Variants in RFX3 observed in about 807,000 individuals in gnomAD.
RFX3 encodes regulatory factor X3, also known as transcription factor RFX3.
A neutral mutation model predicts 98.6 loss-of-function variants in RFX3; 14 were observed. The observed-to-expected ratio is 0.14, with a 90% CI of 0.09 to 0.22. The LOEUF is 0.22. Among genes scored for constraint, RFX3 ranks in the 10% least tolerant of loss-of-function variants. The pLI is 1.00. For synonymous variants in RFX3, 383 were observed against 328.4 expected, an observed-to-expected ratio of 1.17 and a Z score of -1.80; for missense variants, 639 against 926.9, an observed-to-expected ratio of 0.69 and a Z score of 4.03.
intron 1 of RFX3, among the ~76,000 whole-genome samples, chr9:3,401,467 G>A (rs75067900): frequency 0.026 from 4,012 of 152,184 alleles, 198 homozygotes; most frequent in African/African-American, 0.092. Flanking sequence ...AGTGGTTTCT[G>A]GTGTTTTGTT....
At chr9:3,303,413 C>A (rs749445326) in intron 4 of RFX3, among the ~76,000 whole-genome samples, 1 of 151,654 alleles carries the variant, frequency 6.6e-6, no homozygotes, top group Non-Finnish European at 1.5e-5. Context: ...TGCTCAAAAC[C>A]CTAATTTGCC....
intron 1 of RFX3, among the ~76,000 whole-genome samples, chr9:3,523,550 G>A (rs1161714009): frequency 1.3e-5 from 2 of 152,118 alleles, no homozygotes; most frequent in Non-Finnish European, 1.5e-5. Flanking sequence ...CTATACATGA[G>A]TGAAATGCCT....
intron 1 of RFX3, among the ~76,000 whole-genome samples, chr9:3,455,728 T>A (rs573850011): frequency 1.3e-5 from 2 of 152,212 alleles, no homozygotes; most frequent in Admixed American, 1.3e-4. Context: ...ACACAAAAGT[T>A]ATGTTAGGAA....
chr9:3,306,066 T>A lies in RFX3; in HGVS notation c.475-4446A>T, dbSNP rs375890151. Among the ~76,000 whole-genome samples, 26 of 152,206 alleles carry A rather than the reference T, an allele frequency of 1.7e-4. 1 individual carries two copies. The East Asian group carries it at 5.0e-3, about 29-fold the overall frequency. On this transcript the variant is annotated intron_variant, in intron 4 of 16. Transcript: ENST00000617270. The stretch of plus-strand genomic sequence containing the variant: ...TAGAAATATACGTAACACTAAATGA[T>A]GTTTTACCACAATACTCATGACTGT...
At chr9:3,305,556 C>G (rs1347869955) in intron 4 of RFX3, among the ~76,000 whole-genome samples, 1 of 151,792 alleles carries the variant, frequency 6.6e-6, no homozygotes, top group Non-Finnish European at 1.5e-5. Flanking sequence ...AGGAATAATG[C>G]AGAAATGGGG....
rs1271817720 is a variant in RFX3 at position 3,404,621 on chromosome 9, CT to C, written c.-8-9026del. On this transcript the variant is annotated intron_variant, in intron 1 of 16. Transcript: ENST00000617270. Reference sequence around the variant, plus strand: ...GGTTATCCTAGGCTATCTCATAAATCTTTAGTTAATATCCTTAACTAGGTTT... The same window carrying C: ...GGTTATCCTAGGCTATCTCATAAATCTTAGTTAATATCCTTAACTAGGTTT... Among the ~76,000 whole-genome samples, 7 of 152,214 alleles carry C rather than the reference CT, an allele frequency of 4.6e-5. No homozygotes were observed. The East Asian group carries it at 1.4e-3, about 29-fold the overall frequency.
At chr9:3,253,527 A>G (rs1313954618) in intron 14 of RFX3, among the ~76,000 whole-genome samples, 3 of 134,310 alleles carry the variant, frequency 2.2e-5, no homozygotes, top group African/African-American at 8.3e-5. Flanking sequence ...AACTTCTCCA[A>G]TTCTGCCCAA....
chr9:3,286,514 G>C (rs935977941), intron 7 of RFX3, among the ~76,000 whole-genome samples: 3 of 151,684 alleles, frequency 2.0e-5, no homozygotes, highest in African/African-American at 7.3e-5. Context: ...ACTTACACTG[G>C]AAATTATGAC....
chr9:3,411,999 T>G (rs1040233014), intron 1 of RFX3, among the ~76,000 whole-genome samples: 1 of 152,214 alleles, frequency 6.6e-6, no homozygotes, highest in Non-Finnish European at 1.5e-5. Flanking sequence ...GGATCTTATA[T>G]TCACACCATT....
intron 1 of RFX3, among the ~76,000 whole-genome samples, chr9:3,449,139 A>G (rs1433785553): frequency 6.6e-6 from 1 of 152,180 alleles, no homozygotes; most frequent in African/African-American, 2.4e-5. Context: ...TCCCTCAAAG[A>G]ATAGAGGTAA....
intron 1 of RFX3, among the ~76,000 whole-genome samples, chr9:3,461,917 G>A (rs1847721974): frequency 6.6e-6 from 1 of 151,834 alleles, no homozygotes; most frequent in Admixed American, 6.6e-5. Flanking sequence ...ATCTGAAAGG[G>A]AGAACACACC....
intron 1 of RFX3, chr9:3,453,696 C>G (rs1039841716): frequency 1.1e-4 from 12 of 111,416 alleles, no homozygotes; most frequent in African/African-American, 1.5e-4. Context: ...GGCAACAAAG[C>G]AAGACTCTTT....
At chr9:3,274,555 G>A (rs962057392) in intron 9 of RFX3, among the ~76,000 whole-genome samples, 1 of 152,126 alleles carries the variant, frequency 6.6e-6, no homozygotes, top group Admixed American at 6.6e-5. Flanking sequence ...TACTCAGAAC[G>A]AGAGTAGGAG....
chr9:3,503,965 T>G (rs1408164362), intron 1 of RFX3, among the ~76,000 whole-genome samples: 3 of 151,456 alleles, frequency 2.0e-5, no homozygotes, highest in African/African-American at 4.8e-5. Context: ...TTTTAACACT[T>G]CATGTGCACA....
At chr9:3,491,584 T>C (rs1375216072) in intron 1 of RFX3, among the ~76,000 whole-genome samples, 1 of 152,170 alleles carries the variant, frequency 6.6e-6, no homozygotes, top group Non-Finnish European at 1.5e-5. Context: ...CAAGTGAAAA[T>C]TTTAGGCCAG....
At chr9:3,432,447 C>T (rs7864440) in intron 1 of RFX3, among the ~76,000 whole-genome samples, 34,866 of 152,056 alleles carry the variant, frequency 0.23, 6,781 homozygotes, top group African/African-American at 0.53. Context: ...ATGGTTGTTA[C>T]AGAAAAACCT....
At chr9:3,453,292 G>T (rs977338140) in intron 1 of RFX3, among the ~76,000 whole-genome samples, 1 of 151,856 alleles carries the variant, frequency 6.6e-6, no homozygotes, top group Non-Finnish European at 1.5e-5. Context: ...ATTATTATTC[G>T]CAGTTCATTA....
At chr9:3,240,111 A>G (rs1819721497) in intron 15 of RFX3, among the ~76,000 whole-genome samples, 1 of 152,220 alleles carries the variant, frequency 6.6e-6, no homozygotes. Flanking sequence ...CGGGCTGGCT[A>G]TGTCTATGTC....
intron 15 of RFX3, among the ~76,000 whole-genome samples, chr9:3,236,690 C>A (rs1208113554): frequency 1.3e-5 from 2 of 152,178 alleles, no homozygotes; most frequent in African/African-American, 4.8e-5. Flanking sequence ...ACAAAGCAGA[C>A]ACCACATTGC....
Sources: gnomAD v4.1 joint callset for allele counts (sites outside exome capture counted in the v4.1 genomes callset) on GRCh38, gnomAD v4.1.1 for gene constraint, MANE v1.5 for transcripts, NCBI Gene and HGNC (gene_info 2026-07-23, HGNC 2026-07-21) for gene names.